Variants in SUGCT observed in about 807,000 individuals in gnomAD.
The protein encoded by SUGCT is succinyl-CoA:glutarate CoA-transferase.
A neutral mutation model predicts 55.0 loss-of-function variants in SUGCT; 41 were observed. The ratio of observed to expected loss-of-function variants is 0.74; its 90% CI spans 0.58 to 0.97. The LOEUF (loss-of-function observed/expected upper bound fraction) is 0.97. Ranked by LOEUF, SUGCT falls within the 50% of genes least tolerant of loss-of-function variation. The pLI is 0.00. For synonymous variants in SUGCT, 187 were observed against 200.4 expected (o/e 0.93, Z 0.56); for missense variants, 568 against 547.8 (o/e 1.04, Z -0.37).
intron 9 of SUGCT, among the ~76,000 whole-genome samples, chr7:40,404,254 C>A (rs1033888442): frequency 6.6e-6 from 1 of 152,096 alleles, no homozygotes; most frequent in African/African-American, 2.4e-5. Flanking sequence ...AAATTAGAGC[C>A]GATGAAGTTT....
At chr7:40,322,978 A>T (rs568068621) in intron 9 of SUGCT, among the ~76,000 whole-genome samples, 2 of 151,898 alleles carry the variant, frequency 1.3e-5, no homozygotes, top group Non-Finnish European at 2.9e-5. Context: ...TAAAATAAAT[A>T]AAATAAAATA....
intron 12 of SUGCT, among the ~76,000 whole-genome samples, chr7:40,702,665 A>G (rs887170027): frequency 1.3e-5 from 2 of 152,224 alleles, no homozygotes; most frequent in Admixed American, 1.3e-4. Context: ...TCAGTTTCAT[A>G]GTGATCCATC....
At chr7:40,567,075 A>G (rs1265209504) in intron 12 of SUGCT, among the ~76,000 whole-genome samples, 1 of 152,254 alleles carries the variant, frequency 6.6e-6, no homozygotes, top group Non-Finnish European at 1.5e-5. Context: ...TCCTTGCTGT[A>G]TCTGAGATTA....
intron 12 of SUGCT, among the ~76,000 whole-genome samples, chr7:40,686,379 A>G (rs577355241): frequency 6.6e-6 from 1 of 152,362 alleles, no homozygotes. Flanking sequence ...ATAAAGTGGT[A>G]ATTAAGTTTA....
intron 12 of SUGCT, among the ~76,000 whole-genome samples, chr7:40,713,290 A>G (rs1321283565): frequency 1.3e-5 from 2 of 152,046 alleles, no homozygotes; most frequent in African/African-American, 4.8e-5. Flanking sequence ...TCCACTCAGA[A>G]AGTCCTCCTG....
intron 9 of SUGCT, among the ~76,000 whole-genome samples, chr7:40,401,298 T>C (rs1478438930): frequency 6.6e-6 from 1 of 152,198 alleles, no homozygotes; most frequent in African/African-American, 2.4e-5. Context: ...CAGTAGTACC[T>C]TGTGCAATTA....
chr7:40,838,317 T>A lies in SUGCT; in HGVS notation c.1154-21999T>A, dbSNP rs572043692. Among the ~76,000 whole-genome samples the A allele has an allele frequency of 2.0e-5, 3 of 152,344 alleles. No homozygotes were observed. The South Asian group carries it at 6.2e-4, about 32-fold the overall frequency. On this transcript the variant is annotated intron_variant, in intron 13 of 13. Coordinates refer to ENST00000335693, the MANE Select transcript of SUGCT (RefSeq NM_001193313.2). The stretch of plus-strand genomic sequence containing the variant: ...ACAACAGTTCTTTCAGGGATTTTGA[T>A]AGGCATTACATCCAACATGTGTATC...
At chr7:40,760,109 C>T (rs1788459641) in intron 13 of SUGCT, among the ~76,000 whole-genome samples, 1 of 152,056 alleles carries the variant, frequency 6.6e-6, no homozygotes, top group Non-Finnish European at 1.5e-5. Context: ...ATTAAGCTGC[C>T]TCCTGGAATC....
intron 11 of SUGCT, among the ~76,000 whole-genome samples, chr7:40,486,545 T>C (rs1791360927): frequency 6.6e-6 from 1 of 152,106 alleles, no homozygotes; most frequent in South Asian, 2.1e-4. Context: ...TTTAGTTCCA[T>C]GAGGTGCATG....
At chr7:40,250,052 G>T (rs957336939) in intron 7 of SUGCT, among the ~76,000 whole-genome samples, 1 of 152,106 alleles carries the variant, frequency 6.6e-6, no homozygotes. Context: ...CTCCCAAAGT[G>T]CTGGGATTAT....
intron 6 of SUGCT, among the ~76,000 whole-genome samples, chr7:40,225,645 A>C (rs1388929016): frequency 6.6e-6 from 1 of 152,064 alleles, no homozygotes. Context: ...CATGTTGGCC[A>C]GGCTGGTCTT....
intron 8 of SUGCT, among the ~76,000 whole-genome samples, chr7:40,274,968 A>C (rs1792366237): frequency 6.6e-6 from 1 of 151,940 alleles, no homozygotes; most frequent in Non-Finnish European, 1.5e-5. Context: ...CGCCCGGCTA[A>C]TTTTGTATTT....
intron 12 of SUGCT, among the ~76,000 whole-genome samples, chr7:40,590,600 G>A (rs1011461795): frequency 7.2e-5 from 11 of 152,136 alleles, no homozygotes; most frequent in Admixed American, 2.0e-4. Flanking sequence ...AGATTATTAC[G>A]GTATTCAAAG....
At chr7:40,808,710 T>G (rs777740472) in intron 13 of SUGCT, among the ~76,000 whole-genome samples, 18 of 152,206 alleles carry the variant, frequency 1.2e-4, no homozygotes, top group African/African-American at 4.3e-4. Flanking sequence ...AAAATATCTC[T>G]TGTGTGTGTC....
intron 9 of SUGCT, among the ~76,000 whole-genome samples, chr7:40,320,515 A>G (rs1795670148): frequency 6.6e-6 from 1 of 152,218 alleles, no homozygotes; most frequent in Admixed American, 6.5e-5. Context: ...TCCAAAAAGA[A>G]TATATTTTAT....
intron 5 of SUGCT, among the ~76,000 whole-genome samples, chr7:40,194,679 A>G (rs1786142028): frequency 6.6e-6 from 1 of 152,240 alleles, no homozygotes; most frequent in African/African-American, 2.4e-5. Context: ...CATGTAGTCT[A>G]GATATTTATT....
At chr7:40,324,167 G>T in intron 9 of SUGCT, among the ~76,000 whole-genome samples, 1 of 150,682 alleles carries the variant, frequency 6.6e-6, no homozygotes, top group East Asian at 1.9e-4. Context: ...TAAGGGCATT[G>T]CATCTGCATT....
the SUGCT span, among the ~76,000 whole-genome samples, chr7:41,001,938 C>G: frequency 6.6e-6 from 1 of 152,194 alleles, no homozygotes; most frequent in Non-Finnish European, 1.5e-5. Flanking sequence ...TTAGCCAAGG[C>G]AGGAGCCAAG....
intron 11 of SUGCT, among the ~76,000 whole-genome samples, chr7:40,481,714 C>A (rs546984084): frequency 5.3e-5 from 8 of 152,024 alleles, no homozygotes; most frequent in African/African-American, 1.7e-4. Context: ...CCCCTTTTTC[C>A]CTATAACACT....
Sources: gnomAD v4.1 joint callset for allele counts (sites outside exome capture counted in the v4.1 genomes callset) on GRCh38, gnomAD v4.1.1 for gene constraint, MANE v1.5 for transcripts, NCBI Gene and HGNC (gene_info 2026-07-23, HGNC 2026-07-21) for gene names.